Variants in TAGAP observed in about 807,000 individuals in gnomAD.
TAGAP encodes the protein T-cell activation Rho GTPase-activating protein.
TAGAP carries 16 observed loss-of-function variants against 36.0 expected under a neutral mutation model. The observed-to-expected ratio is 0.44, with a 90% CI of 0.30 to 0.68. TAGAP has a LOEUF of 0.68. TAGAP is among the 30% of genes least tolerant of loss of function. The probability of loss-of-function intolerance (pLI) is 0.09; values close to 1 mark genes in which losing one functional copy is unlikely to be tolerated. For synonymous variants in TAGAP, 372 were observed against 377.4 expected (o/e 0.99, Z 0.17); for missense variants, 794 against 921.5 (o/e 0.86, Z 1.79).
rs559110812 is a variant in TAGAP, at chr6:159,042,090, G to A, written c.303C>T (p.Pro101=). ...SIICGDSDTL[P]RPIQDILTIL... ...AATGCACGCCTACCTGGATGGGTCT[G>A]GGGAGTGTGTCACTGTCACCGCAGA... Residue 101 remains proline, a synonymous_variant, in exon 5 of 10, where the codon CCC becomes CCT. Coordinates refer to ENST00000367066, the MANE Select transcript of TAGAP (RefSeq NM_054114.5). The A allele has an allele frequency of 3.5e-5, 56 of 1,614,114 alleles. 1 individual carries two copies. Among genetic ancestry groups the A allele is most frequent in the South Asian group, 3.4e-4 (31 of 91,064 alleles).
rs560653809 is a variant in TAGAP at position 159,036,116 on chromosome 6, G to C, written c.1907C>G (p.Pro636Arg). 2.5e-6 allele frequency: 4 copies of C among 1,613,630 alleles called. No individual in the cohort carries two copies. The East Asian group carries it at 8.9e-5, about 36-fold the overall frequency. The change falls in exon 10 of 10, where the codon CCT (proline) becomes CGT (arginine). Residue 636 changes from proline to arginine, a missense_variant. Transcript: ENST00000367066. The surrounding 1 kb of genome is among the most constrained non-coding windows in gnomAD (Gnocchi z 4.9). ...RMLEAHCLLP[P>R]LPPAHHVEDS... ...CTCTACGTGGTGAGCAGGTGGAAGA[G>C]GGGGTAGGAGGCAGTGCGCCTCCAG...
At position 159,038,924 on chromosome 6, in the gene TAGAP, CG is replaced by C. The variant is rs1318938110; in HGVS notation, c.783+189del. On this transcript the variant is annotated intron_variant, in intron 8 of 9. Transcript: ENST00000367066. The stretch of plus-strand genomic sequence containing the variant: ...TCTGTCTCACAGATGACAGAAGACA[CG>C]GATTTATTCAGTTTCATTAGATACA... 3 of 1,428,614 alleles carry C rather than the reference CG, an allele frequency of 2.1e-6. No homozygotes were observed. The Admixed American group carries it at 8.1e-5, about 38-fold the overall frequency. The allele number at this position is 1,428,614 out of a possible 1,614,324, so 88.5% of individuals were successfully genotyped here.
In TAGAP at chr6:159,035,951, AGCTCAGGTCTCCCTGG is replaced by A; in HGVS notation, c.2056_2071del (p.Pro686SerfsTer4). On this transcript the variant is annotated frameshift_variant, in exon 10 of 10. Coordinates refer to ENST00000367066, the MANE Select transcript of TAGAP (RefSeq NM_054114.5). LOFTEE classifies it low-confidence loss of function (END_TRUNC). ...CTCGGAGACGGTCCTCAGCGGGAGG[AGCTCAGGTCTCCCTGG>A]GCCAGACACGTGCCCCAGAGAGTCC... 1 of 1,614,026 alleles carries A rather than the reference AGCTCAGGTCTCCCTGG, an allele frequency of 6.2e-7. No homozygotes were observed. Among genetic ancestry groups the A allele is most frequent in the East Asian group, 2.2e-5 (1 of 44,860 alleles).
intron 8 of TAGAP, chr6:159,038,797 G>T: frequency 1.5e-6 from 1 of 673,684 alleles, no homozygotes; most frequent in Non-Finnish European, 2.0e-6. Context: ...TAAGTAAGTA[G>T]TGTCCCAGAT....
Position 159,037,161 on chromosome 6 carries a change from G to A in TAGAP, c.899-37C>T. 6.7e-7 allele frequency: 1 copy of A among 1,491,404 alleles called. No individual in the cohort carries two copies. The highest frequency in any genetic ancestry group is 8.9e-7 in the Non-Finnish European group (1 of 1,120,468). The allele number at this position is 1,491,404 out of a possible 1,614,324, so 92.4% of individuals were successfully genotyped here. A position where few individuals can be genotyped will look rare whatever the true frequency, so the allele number is the denominator to read the frequency against. ...CAAGCAGCAGTTGAACATTTGTTTG[G>A]GTTTATTTATTTATTTATTTTTATT... is the stretch of plus-strand genomic sequence containing the variant. On this transcript the variant is annotated intron_variant, in intron 9 of 9. Coordinates refer to ENST00000367066, the MANE Select transcript of TAGAP (RefSeq NM_054114.5). This position sits in a 1 kb window ranked among gnomAD's most constrained non-coding sequence, Gnocchi z 5.1.
Position 159,040,757 on chromosome 6 carries a change from G to C in TAGAP, c.553C>G (p.Gln185Glu). Residue 185 changes from glutamine to glutamate, a missense_variant, in exon 7 of 10, where the codon CAG becomes GAG. Gln to Glu is a conservative substitution (Grantham distance 29). Coordinates refer to ENST00000367066, the MANE Select transcript of TAGAP (RefSeq NM_054114.5). ...GCCTCGATTCTGTCCTCCTCGTCCTGCATCTCCAGAGCACCCATCCACTCC... is the reference window on the plus strand; with the variant it reads ...GCCTCGATTCTGTCCTCCTCGTCCTCCATCTCCAGAGCACCCATCCACTCC... ...FEEWMGALEM[Q>E]DEEDRIEALK... The C allele has an allele frequency of 6.2e-7, 1 of 1,614,124 alleles. No homozygotes were observed.
At chr6:159,038,887 T>C in intron 8 of TAGAP, 1 of 1,399,670 alleles carries the variant, frequency 7.1e-7, no homozygotes, top group Non-Finnish European at 9.3e-7. Context: ...ATGTAAATAC[T>C]CGCAGCACTC....
chr6:159,043,900 C>A, intron 3 of TAGAP, 78 bp downstream of exon 3: 1 of 1,330,728 alleles, frequency 7.5e-7, no homozygotes, highest in South Asian at 1.3e-5. Context: ...ACTATTCAAC[C>A]CAAATAATAT....
chr6:159,042,337 A>C, intron 4 of TAGAP, 93 bp from the exon 5 acceptor site: 1 of 1,530,800 alleles, frequency 6.5e-7, no homozygotes, highest in Non-Finnish European at 8.7e-7. Context: ...TTGGCCGCAT[A>C]ATGTGGTCAA....
Position 159,044,949 on chromosome 6 carries a change from T to C in TAGAP, c.-129A>G, listed in dbSNP as rs1779876127. ...TAAAGAATGGGAGAAACAGCATAAC[T>C]CTCTGCTCCTTCTAGTCCACTGGGA... On this transcript the variant is annotated 5_prime_UTR_variant, in exon 1 of 10. Transcript: ENST00000367066. The C allele has an allele frequency of 2.5e-6, 1 of 398,578 alleles. No homozygotes were observed. Among genetic ancestry groups the C allele is most frequent in the Admixed American group, 4.4e-5 (1 of 22,724 alleles). 24.7% of individuals were successfully genotyped at this position (398,578 alleles called of 1,614,324 possible).
chr6:159,036,697 G>T lies in TAGAP; in HGVS notation c.1326C>A (p.Ile442=). 1 of 1,614,156 alleles carries T rather than the reference G, an allele frequency of 6.2e-7. No individual in the cohort carries two copies. The highest frequency in any genetic ancestry group is 8.5e-7 in the Non-Finnish European group (1 of 1,180,018). ...GKTKRPVDLK[I]KNLAPGSVLP... is the part of the protein sequence containing the mutation. ...GCACCGAACCCGGGGCCAAGTTCTT[G>T]ATCTTCAGGTCCACCGGCCTCTTGG... The change falls in exon 10 of 10, where the codon ATC becomes ATA. Residue 442 remains isoleucine (I), a synonymous_variant. Transcript: ENST00000367066. The surrounding 1 kb of genome is among the most constrained non-coding windows in gnomAD (Gnocchi z 4.9).
In TAGAP at chr6:159,037,163, T is replaced by C; in HGVS notation, c.899-39A>G. On this transcript the variant is annotated intron_variant, in intron 9 of 9. Coordinates refer to ENST00000367066, the MANE Select transcript of TAGAP (RefSeq NM_054114.5). The surrounding 1 kb of genome is among the most constrained non-coding windows in gnomAD (Gnocchi z 5.1). Reference sequence around the variant, plus strand: ...AGCAGCAGTTGAACATTTGTTTGGGTTTATTTATTTATTTATTTTTATTTG... The same window carrying C: ...AGCAGCAGTTGAACATTTGTTTGGGCTTATTTATTTATTTATTTTTATTTG... 2.1e-6 allele frequency: 3 copies of C among 1,422,420 alleles called. No individual in the cohort carries two copies. Among genetic ancestry groups the C allele is most frequent in the Non-Finnish European group, 2.8e-6 (3 of 1,071,538 alleles). 88.1% of individuals were successfully genotyped at this position (1,422,420 alleles called of 1,614,324 possible).
intron 8 of TAGAP, among the ~76,000 whole-genome samples, chr6:159,038,537 C>T (rs1779636202): frequency 6.6e-6 from 1 of 151,970 alleles, no homozygotes; most frequent in Admixed American, 6.6e-5. Flanking sequence ...TACGGGCGCC[C>T]GCCACCACGC....
chr6:159,044,984 ACCGAGCCGGT>A, exon 1 of TAGAP: 1 of 398,340 alleles, frequency 2.5e-6, no homozygotes, highest in African/African-American at 2.1e-5. Context: ...AGAGAGAGAG[ACCGAGCCGGT>A]CTCCCTTCAC....
chr6:159,038,875 T>C (rs968819317), intron 8 of TAGAP: 10 of 1,371,638 alleles, frequency 7.3e-6, no homozygotes, highest in Non-Finnish European at 8.5e-6. Flanking sequence ...CGGGAGAGAG[T>C]GATGTAAATA....
At chr6:159,043,399 T>A (rs1779823423) in intron 4 of TAGAP, among the ~76,000 whole-genome samples, 190 bp downstream of exon 4, 1 of 152,244 alleles carries the variant, frequency 6.6e-6, no homozygotes, top group South Asian at 2.1e-4. Flanking sequence ...AGAGGCTCTT[T>A]CCTTTCCCAG....
intron 4 of TAGAP, 32 bp downstream of exon 4, chr6:159,043,557 A>C (rs367850395): frequency 6.2e-7 from 1 of 1,607,800 alleles, no homozygotes; most frequent in African/African-American, 1.3e-5. Context: ...GTTAGCACTT[A>C]CATAAAAGAT....
Position 159,041,016 on chromosome 6 carries a change from A to G in TAGAP, c.478-184T>C. On this transcript the variant is annotated intron_variant, in intron 6 of 9. Coordinates refer to ENST00000367066, the MANE Select transcript of TAGAP (RefSeq NM_054114.5). This position sits in a 1 kb window ranked among gnomAD's most constrained non-coding sequence, Gnocchi z 4.1. ...CTCCAACACCCTTGGCCTCTCTGCA[A>G]CTTTCTAACATCAGGCAGAGTCAGA... 1.7e-6 allele frequency: 1 copy of G among 595,528 alleles called. No individual in the cohort carries two copies. The highest frequency in any genetic ancestry group is 2.9e-6 in the Non-Finnish European group (1 of 339,472). The allele number at this position is 595,528 out of a possible 1,614,324, so 36.9% of individuals were successfully genotyped here. A position where few individuals can be genotyped will look rare whatever the true frequency, so the allele number is the denominator to read the frequency against.
chr6:159,041,972 A>T lies in TAGAP; in HGVS notation c.315+106T>A, dbSNP rs1779768974. On this transcript the variant is annotated intron_variant, in intron 5 of 9. Transcript: ENST00000367066. The surrounding 1 kb of genome is among the most constrained non-coding windows in gnomAD (Gnocchi z 4.1). ...CATGTTGAAGAGTGGAAAATATGGA[A>T]GATCAGTCCCTACAAACTTAATAGG... is the stretch of plus-strand genomic sequence containing the variant. 1.6e-6 allele frequency: 2 copies of T among 1,264,602 alleles called. No homozygotes were observed. The highest frequency in any genetic ancestry group is 4.5e-5 in the Admixed American group (2 of 44,388). The allele number at this position is 1,264,602 out of a possible 1,614,324, so 78.3% of individuals were successfully genotyped here. A position where few individuals can be genotyped will look rare whatever the true frequency, so the allele number is the denominator to read the frequency against.
Sources: allele counts gnomAD v4.1 joint callset (sites outside exome capture counted in the v4.1 genomes callset), GRCh38; gene constraint gnomAD v4.1.1; non-coding constraint Gnocchi (gnomAD v3.1); transcripts MANE v1.5; gene names NCBI Gene and HGNC (gene_info 2026-07-23, HGNC 2026-07-21).